The following MSI2 variants were observed in gnomAD, a reference collection of about 807,000 sequenced individuals.
MSI2 encodes RNA-binding protein Musashi homolog 2.
A neutral mutation model predicts 45.6 loss-of-function variants in MSI2; 17 were observed. The ratio of observed to expected loss-of-function variants is 0.37; its 90% CI spans 0.26 to 0.56. The LOEUF (loss-of-function observed/expected upper bound fraction) is 0.56, where lower values mean the gene tolerates loss of function less well. Among genes scored for constraint, MSI2 ranks in the 20% least tolerant of loss-of-function variants. The pLI is 0.77. For missense variants in MSI2, 293 were observed against 444.2 expected (o/e 0.66, Z 3.06); for synonymous variants, 156 against 158.2 (o/e 0.99, Z 0.11).
intron 2 of MSI2, 22 bp from the exon 3 acceptor site, chr17:57,257,442 ATC>A (rs763619317): frequency 2.9e-6 from 3 of 1,045,260 alleles, no homozygotes; most frequent in African/African-American, 1.8e-5. Flanking sequence ...TCCCCCCCCC[ATC>A]TCTCTCTTTC....
chr17:57,577,591 A>T (rs2088084513), intron 7 of MSI2, among the ~76,000 whole-genome samples: 1 of 152,248 alleles, frequency 6.6e-6, no homozygotes, highest in Non-Finnish European at 1.5e-5. Context: ...AAAAAAATTA[A>T]AAAGAAAATT....
rs999033100 is a variant in MSI2 at position 57,407,546 on chromosome 17, G to C, written c.405+6075G>C. Among the ~76,000 whole-genome samples, 2 of 152,172 alleles carry C rather than the reference G, an allele frequency of 1.3e-5. No individual in the cohort carries two copies. The highest frequency in any genetic ancestry group is 6.5e-5 in the Admixed American group (1 of 15,280). ...AGGAGGCTTGGAAAACAAAAGTCTT[G>C]TGTGTCCTTTGTGGACATCTGAGCT... On this transcript the variant is annotated intron_variant, in intron 6 of 13. Transcript: ENST00000284073. This position sits in a 1 kb window ranked among gnomAD's most constrained non-coding sequence, Gnocchi z 4.1.
chr17:57,686,197 G>A (rs1050530291), downstream of MSI2, among the ~76,000 whole-genome samples: 2 of 152,148 alleles, frequency 1.3e-5, no homozygotes, highest in Admixed American at 6.5e-5. Flanking sequence ...GAGGGTGGGA[G>A]TGAGGCTTCT....
At chr17:57,499,146 C>T (rs552263417) in intron 6 of MSI2, among the ~76,000 whole-genome samples, 79 of 152,076 alleles carry the variant, frequency 5.2e-4, no homozygotes, top group African/African-American at 1.8e-3. Flanking sequence ...GAGGCTGAGG[C>T]GGATGGATCA....
intron 11 of MSI2, among the ~76,000 whole-genome samples, chr17:57,672,770 C>A (rs139162418): frequency 3.4e-4 from 51 of 151,618 alleles, no homozygotes; most frequent in African/African-American, 1.2e-3. Flanking sequence ...GTCCAAGCTT[C>A]TTCTGTTTTC....
intron 5 of MSI2, among the ~76,000 whole-genome samples, chr17:57,374,138 A>G (rs2083459368): frequency 6.6e-6 from 1 of 152,252 alleles, no homozygotes; most frequent in African/African-American, 2.4e-5. Flanking sequence ...AGAATTGTCC[A>G]GAATTTAAGA....
At chr17:57,441,316 T>A (rs1482488093) in intron 6 of MSI2, among the ~76,000 whole-genome samples, 1 of 152,214 alleles carries the variant, frequency 6.6e-6, no homozygotes, top group Non-Finnish European at 1.5e-5. Flanking sequence ...ATAGCTTGTA[T>A]GAACTCTGGT....
chr17:57,436,450 T>C (rs935117554), intron 6 of MSI2, among the ~76,000 whole-genome samples: 5 of 152,252 alleles, frequency 3.3e-5, no homozygotes, highest in African/African-American at 1.2e-4. Flanking sequence ...ACTTGTGTTC[T>C]GGCTATTGGG....
At chr17:57,636,748 C>G (rs542270373) in intron 10 of MSI2, among the ~76,000 whole-genome samples, 5 of 152,366 alleles carry the variant, frequency 3.3e-5, no homozygotes, top group Non-Finnish European at 7.3e-5. Flanking sequence ...CCCAGAAATG[C>G]CCTCACTAGG....
chr17:57,296,105 C>A (rs1598086176), intron 5 of MSI2, among the ~76,000 whole-genome samples: 2 of 138,752 alleles, frequency 1.4e-5, no homozygotes, highest in Non-Finnish European at 1.5e-5. Flanking sequence ...TTAATGTTTG[C>A]ATATAGATAT....
chr17:57,641,478 C>G (rs1567954806), intron 10 of MSI2, among the ~76,000 whole-genome samples: 1 of 151,990 alleles, frequency 6.6e-6, no homozygotes, highest in African/African-American at 2.4e-5. Flanking sequence ...AGCAAGAGAC[C>G]CTGTTGGAAG....
intron 6 of MSI2, among the ~76,000 whole-genome samples, chr17:57,481,305 C>T (rs796200685): frequency 5.8e-4 from 89 of 152,328 alleles, no homozygotes; most frequent in African/African-American, 2.1e-3. Context: ...CCAAAATAAT[C>T]TGTAACCTAT....
chr17:57,661,726 C>T (rs1912004853), intron 11 of MSI2, among the ~76,000 whole-genome samples: 1 of 152,194 alleles, frequency 6.6e-6, no homozygotes, highest in South Asian at 2.1e-4. Flanking sequence ...TTATTCCCTG[C>T]TTGGGGCTAT....
chr17:57,341,243 C>G (rs546347462), intron 5 of MSI2, among the ~76,000 whole-genome samples: 1 of 152,262 alleles, frequency 6.6e-6, no homozygotes, highest in Non-Finnish European at 1.5e-5. Context: ...AGGAACGTGT[C>G]GGAAATAATC....
At chr17:57,519,869 G>A (rs539429626) in intron 6 of MSI2, among the ~76,000 whole-genome samples, 6 of 152,060 alleles carry the variant, frequency 3.9e-5, no homozygotes, top group African/African-American at 4.8e-5. Flanking sequence ...ACTTACTGTC[G>A]GTGAACCACA....
chr17:57,364,403 G>A (rs534206578), intron 5 of MSI2, among the ~76,000 whole-genome samples: 11 of 152,322 alleles, frequency 7.2e-5, no homozygotes, highest in African/African-American at 2.6e-4. Flanking sequence ...TCTGTGGAAG[G>A]CATCAGTGCT....
chr17:57,389,714 C>T (rs890124380), intron 5 of MSI2, among the ~76,000 whole-genome samples: 3 of 152,192 alleles, frequency 2.0e-5, no homozygotes, highest in Non-Finnish European at 4.4e-5. Flanking sequence ...CTTGGTCTTT[C>T]TCAGGACTCA....
chr17:57,641,294 G>A lies in MSI2; in HGVS notation c.728-10805G>A, dbSNP rs533615290. 2.0e-4 allele frequency among the ~76,000 whole-genome samples: 30 copies of A among 152,278 alleles called. 1 individual carries two copies. Among genetic ancestry groups the A allele is most frequent in the South Asian group, 1.2e-3 (6 of 4,824 alleles). On this transcript the variant is annotated intron_variant, in intron 10 of 13. Transcript: ENST00000284073. ...CTGGAGTTTTTCAGCAAAAAAAGTC[G>A]GAGCGCTCAAGACTTGAGCGTTTGC...
At chr17:57,325,738 C>T (rs2143696751) in intron 5 of MSI2, among the ~76,000 whole-genome samples, 1 of 152,362 alleles carries the variant, frequency 6.6e-6, no homozygotes, top group East Asian at 1.9e-4. Context: ...TACCAGGCAC[C>T]TACCCAGGGG....
Sources: gnomAD v4.1 joint callset for allele counts (sites outside exome capture counted in the v4.1 genomes callset) on GRCh38, gnomAD v4.1.1 for gene constraint, Gnocchi (gnomAD v3.1) non-coding constraint, MANE v1.5 for transcripts, NCBI Gene and HGNC (gene_info 2026-07-23, HGNC 2026-07-21) for gene names.